The following CHODL variants were observed in gnomAD, a reference collection of about 807,000 sequenced individuals.
The protein encoded by CHODL is chondrolectin, also known as transmembrane protein MT75.
In CHODL, 29 loss-of-function variants were observed where a neutral mutation model predicts 34.5. The observed-to-expected ratio is 0.84, with a 90% confidence interval of 0.63 to 1.15. CHODL has a LOEUF of 1.15. Ranked by LOEUF, CHODL falls within the 50% of genes most tolerant of loss-of-function variation. The probability of loss-of-function intolerance (pLI) is 0.00; values close to 1 mark genes in which losing one functional copy is unlikely to be tolerated. For synonymous variants in CHODL, 125 were observed against 116.1 expected (o/e 1.08, Z -0.49); for missense variants, 332 against 332.5 (o/e 1.00, Z 0.01).
intron 1 of CHODL, among the ~76,000 whole-genome samples, chr21:17,997,647 G>A (rs1208053915): frequency 1.3e-5 from 2 of 152,160 alleles, no homozygotes; most frequent in African/African-American, 4.8e-5. Flanking sequence ...AGCGGGAGAT[G>A]AAAGGCACTT....
rs978717312 is a variant in CHODL, at chr21:18,042,741, G to A, written c.-45+14770G>A. 7.2e-5 allele frequency among the ~76,000 whole-genome samples: 11 copies of A among 151,982 alleles called. 1 individual carries two copies. Among genetic ancestry groups the A allele is most frequent in the Admixed American group, 2.0e-4 (3 of 15,246 alleles). On this transcript the variant is annotated intron_variant, in intron 2 of 6. Coordinates refer to the CHODL transcript ENST00000400127. ...TATTTTAAGAGAGAAATTCTCTTGC[G>A]CAGAAGGTGAAATAATAGAGATACA...
At chr21:18,000,543 C>G (rs2063895303) in intron 1 of CHODL, among the ~76,000 whole-genome samples, 1 of 152,138 alleles carries the variant, frequency 6.6e-6, no homozygotes, top group Non-Finnish European at 1.5e-5. Flanking sequence ...GTTTGTGTCT[C>G]TTGTTCTAGT....
At chr21:18,150,325 G>A (rs2072948102) in intron 2 of CHODL, among the ~76,000 whole-genome samples, 1 of 152,176 alleles carries the variant, frequency 6.6e-6, no homozygotes, top group Non-Finnish European at 1.5e-5. Context: ...GAGAGGTATA[G>A]TGAGGCATGT....
chr21:18,023,992 T>G (rs1383302434), intron 1 of CHODL, among the ~76,000 whole-genome samples: 3 of 152,172 alleles, frequency 2.0e-5, no homozygotes, highest in Admixed American at 1.3e-4. Context: ...ATAACTTTGG[T>G]TGACTTACAC....
intron 1 of CHODL, among the ~76,000 whole-genome samples, chr21:17,952,866 A>G (rs756407639): frequency 4.6e-5 from 7 of 152,184 alleles, no homozygotes; most frequent in African/African-American, 7.2e-5. Context: ...ACTTACAATC[A>G]TGGCGGAAGG....
intron 2 of CHODL, among the ~76,000 whole-genome samples, chr21:18,062,419 C>T (rs544835321): frequency 3.3e-4 from 50 of 151,732 alleles, no homozygotes; most frequent in African/African-American, 1.1e-3. Flanking sequence ...AGGTTGGCCA[C>T]GCTGGTCTCG....
chr21:18,240,356 A>T (rs570204244), upstream of CHODL, among the ~76,000 whole-genome samples: 3 of 152,240 alleles, frequency 2.0e-5, no homozygotes, highest in Non-Finnish European at 2.9e-5. Context: ...TTCAGTCAGG[A>T]AACACAGAAC....
chr21:18,084,424 C>T (rs1377530344), intron 2 of CHODL, among the ~76,000 whole-genome samples: 1 of 152,108 alleles, frequency 6.6e-6, no homozygotes, highest in Non-Finnish European at 1.5e-5. Context: ...TCCCTTTTAG[C>T]ACTGCTTTTG....
intron 1 of CHODL, among the ~76,000 whole-genome samples, chr21:18,011,269 C>A (rs1332274150): frequency 1.4e-5 from 2 of 138,276 alleles, no homozygotes; most frequent in African/African-American, 6.3e-5. Context: ...AAAAGTCGAA[C>A]ATTACTTTCA....
intron 1 of CHODL, among the ~76,000 whole-genome samples, chr21:18,019,287 A>C (rs984460318): frequency 1.3e-5 from 2 of 152,212 alleles, no homozygotes; most frequent in African/African-American, 4.8e-5. Context: ...ACCTATATAG[A>C]GAATGCAAAG....
At chr21:18,213,240 T>C (rs1476724581) in intron 2 of CHODL, among the ~76,000 whole-genome samples, 1 of 152,138 alleles carries the variant, frequency 6.6e-6, no homozygotes, top group South Asian at 2.1e-4. Context: ...TTAATAACTG[T>C]AAGGCTTGTA....
chr21:18,073,079 A>G (rs1029570138), intron 2 of CHODL, among the ~76,000 whole-genome samples: 2 of 152,166 alleles, frequency 1.3e-5, no homozygotes, highest in Non-Finnish European at 2.9e-5. Flanking sequence ...AAATATTACA[A>G]ACCATCTCAG....
At chr21:18,080,694 C>A (rs1205778957) in intron 2 of CHODL, among the ~76,000 whole-genome samples, 5 of 152,198 alleles carry the variant, frequency 3.3e-5, no homozygotes, top group Admixed American at 6.5e-5. Context: ...ATCTATGTGA[C>A]TATTTTTATT....
intron 1 of CHODL, chr21:18,246,037 G>A: frequency 9.2e-7 from 1 of 1,082,004 alleles, no homozygotes; most frequent in South Asian, 1.3e-5. Flanking sequence ...AGCTTCCCAG[G>A]TTGTCTTTGA....
At chr21:17,956,573 C>T (rs921651639) in intron 1 of CHODL, among the ~76,000 whole-genome samples, 1 of 136,604 alleles carries the variant, frequency 7.3e-6, no homozygotes, top group Non-Finnish European at 1.7e-5. Context: ...GGCTTATAAA[C>T]AACATAAATT....
At chr21:18,255,872 G>A (rs932445570) in intron 1 of CHODL, among the ~76,000 whole-genome samples, 5 of 151,910 alleles carry the variant, frequency 3.3e-5, no homozygotes, top group African/African-American at 1.2e-4. Context: ...CAAAAAATTG[G>A]TAATGAGATT....
At chr21:18,074,452 CAAAGT>C (rs1312110715) in intron 2 of CHODL, among the ~76,000 whole-genome samples, 1 of 152,012 alleles carries the variant, frequency 6.6e-6, no homozygotes, top group Non-Finnish European at 1.5e-5. Context: ...CTTTTGAAGA[CAAAGT>C]AGTAATGTAT....
rs553923613 is a variant in CHODL, at chr21:18,012,652, T to C, written c.-144-15220T>C. ...AGTTCTATTAAGTTTCAGGTCTGTG[T>C]ACTCTCTCTTCTTACAAAATATCTT... On this transcript the variant is annotated intron_variant, in intron 1 of 6. Transcript: ENST00000400127. 2.0e-5 allele frequency among the ~76,000 whole-genome samples: 3 copies of C among 152,348 alleles called. No homozygotes were observed. The South Asian group carries it at 6.2e-4, about 32-fold the overall frequency.
intron 2 of CHODL, among the ~76,000 whole-genome samples, chr21:18,123,523 G>A (rs984709550): frequency 3.3e-5 from 5 of 152,108 alleles, no homozygotes; most frequent in Non-Finnish European, 7.4e-5. Flanking sequence ...CTAAGAGCAT[G>A]GCCCTAGAAT....
Sources: gnomAD v4.1 joint callset for allele counts (sites outside exome capture counted in the v4.1 genomes callset) on GRCh38, gnomAD v4.1.1 for gene constraint, MANE v1.5 for transcripts, NCBI Gene and HGNC (gene_info 2026-07-23, HGNC 2026-07-21) for gene names.